The following CREB3L4 variants were observed in gnomAD, a reference collection of about 807,000 sequenced individuals.
CREB3L4 encodes cAMP responsive element binding protein 3 like 4.
Under a neutral mutation model 37.0 loss-of-function variants are expected in CREB3L4, and 28 were observed. The ratio of observed to expected loss-of-function variants is 0.76; its 90% CI spans 0.56 to 1.04. CREB3L4 has a LOEUF of 1.04. CREB3L4 is among the 50% of genes least tolerant of loss of function. The probability of loss-of-function intolerance (pLI) is 0.00; values close to 1 mark genes in which losing one functional copy is unlikely to be tolerated. For synonymous variants in CREB3L4, 175 were observed against 192.2 expected (o/e 0.91, Z 0.74); for missense variants, 462 against 486.0 (o/e 0.95, Z 0.46).
In CREB3L4 at chr1:153,973,268, G is replaced by A. The variant is rs1648577544; in HGVS notation, c.812+5G>A. The A allele has an allele frequency of 5.0e-6, 8 of 1,614,052 alleles. No individual in the cohort carries two copies. The highest frequency in any genetic ancestry group is 6.8e-6 in the Non-Finnish European group (8 of 1,179,958). On this transcript the variant is annotated splice_donor_5th_base_variant and intron_variant, in intron 7 of 9. Coordinates refer to ENST00000368607, the MANE Select transcript of CREB3L4 (RefSeq NM_001255978.2). ...GGAGCTGGAGAGGCACAACATGTGA[G>A]TGAAAGCATTGTGTGTGTATGTGTG...
At position 153,971,312 on chromosome 1, in the gene CREB3L4, A is replaced by C. The variant is rs6671362; in HGVS notation, c.544-1432A>C. On this transcript the variant is annotated intron_variant, in intron 4 of 9. Transcript: ENST00000368607. ...GAACCCGGGAAGCAGAGGTTGCAGT[A>C]AGTGGAGATTGCGCCATTGAACTCC... Among the ~76,000 whole-genome samples the C allele has an allele frequency of 3.3e-5, 5 of 151,272 alleles. No homozygotes were observed. In the South Asian group the frequency reaches 1.0e-3, roughly 32 times the overall value.
chr1:153,972,795 C>G lies in CREB3L4; in HGVS notation c.595C>G (p.Gln199Glu). 1 of 1,613,960 alleles carries G rather than the reference C, an allele frequency of 6.2e-7. No individual in the cohort carries two copies. Among genetic ancestry groups the G allele is most frequent in the Non-Finnish European group, 8.5e-7 (1 of 1,179,976 alleles). ...CGATGAGGAGAAGCGTCTGCTGGGG[C>G]AGGAAGGGGTTTCCCTGCCCTCTCA... is the stretch of plus-strand genomic sequence containing the variant. ...LTDEEKRLLG[Q>E]EGVSLPSHLP... The change falls in exon 5 of 10, where the codon CAG becomes GAG. Residue 199 changes from glutamine to glutamate, a missense_variant. Physicochemically the swap from Gln to Glu is conservative, Grantham distance 29. Transcript: ENST00000368607.
intron 4 of CREB3L4, 44 bp downstream of exon 4, chr1:153,969,499 T>C (rs1648135406): frequency 6.2e-7 from 1 of 1,605,260 alleles, no homozygotes; most frequent in Non-Finnish European, 8.5e-7. Context: ...TTGATACATA[T>C]ATAATCACAC....
Position 153,973,711 on chromosome 1 carries a change from A to T in CREB3L4, c.989A>T (p.His330Leu). Residue 330 changes from histidine (H) to leucine (L), a missense_variant, in exon 9 of 10, where the codon CAC (histidine) becomes CTC (leucine). Transcript: ENST00000368607. ...GCTGGGTCTGAGGATTACCAGCCTCACGGAGGTGAGAGGCAAGGGCAGGGA... is the reference window on the plus strand; with the variant it reads ...GCTGGGTCTGAGGATTACCAGCCTCTCGGAGGTGAGAGGCAAGGGCAGGGA... ...PEAGSEDYQP[H>L]GVTSRNILTH... 5 of 1,599,100 alleles carry T rather than the reference A, an allele frequency of 3.1e-6. No homozygotes were observed. The highest frequency in any genetic ancestry group is 4.3e-6 in the Non-Finnish European group (5 of 1,171,578).
chr1:153,967,506 C>G (rs549281353), upstream of CREB3L4: 2 of 152,332 alleles, frequency 1.3e-5, no homozygotes, highest in South Asian at 4.1e-4. Flanking sequence ...GTCCCGCCGG[C>G]CGGACGCAGT....
rs368055346 is a variant in CREB3L4, at chr1:153,968,900, G to A, written c.175-30G>A. On this transcript the variant is annotated intron_variant, in intron 2 of 9. Transcript: ENST00000368607. ...GGGAGGACTTCCAAAATTCTTCCCT[G>A]CACATATATATAACCTTTTCCTACT... 44 of 1,573,606 alleles carry A rather than the reference G, an allele frequency of 2.8e-5. No homozygotes were observed. In the African/African-American group the frequency reaches 5.3e-4, roughly 19 times the overall value.
rs757972569 is a variant in CREB3L4, at chr1:153,968,475, C to T, written c.-4-47C>T. The T allele has an allele frequency of 2.6e-6, 4 of 1,566,972 alleles. No homozygotes were observed. In the South Asian group the frequency reaches 4.5e-5, roughly 18 times the overall value. ...AGAAACTGTAGGGGGTAGTAAGCAG[C>T]CATCATTCCGTTTCTGCAACCCTCC... On this transcript the variant is annotated intron_variant, in intron 1 of 9. Transcript: ENST00000368607.
At position 153,974,089 on chromosome 1, in the gene CREB3L4, A is replaced by T. The variant is rs766854309; in HGVS notation, c.*24A>T. 6.2e-6 allele frequency: 10 copies of T among 1,602,552 alleles called. No individual in the cohort carries two copies. Among genetic ancestry groups the T allele is most frequent in the Non-Finnish European group, 4.3e-6 (5 of 1,172,826 alleles). ...GAGCTGGAACAGACCTTCCTGGCCC[A>T]CTTCCTGATCACAAGGAATCCTGGG... On this transcript the variant is annotated 3_prime_UTR_variant, in exon 10 of 10. Coordinates refer to ENST00000368607, the MANE Select transcript of CREB3L4 (RefSeq NM_001255978.2).
At chr1:153,969,214 G>A (rs764238210) in intron 3 of CREB3L4, 38 bp downstream of exon 3, 29 of 1,613,796 alleles carry the variant, frequency 1.8e-5, no homozygotes, top group Middle Eastern at 1.6e-4. Context: ...ATGGCCCTTC[G>A]GGACTGGCCC....
chr1:153,971,300 A>C (rs1648344755), intron 4 of CREB3L4, among the ~76,000 whole-genome samples: 2 of 151,658 alleles, frequency 1.3e-5, no homozygotes, highest in Non-Finnish European at 2.9e-5. Context: ...CCCGGGAAGC[A>C]GAGGTTGCAG....
intron 2 of CREB3L4, 97 bp downstream of exon 2, chr1:153,968,796 C>G: frequency 6.5e-7 from 1 of 1,533,512 alleles, no homozygotes; most frequent in Admixed American, 1.8e-5. Context: ...AAACAGACCA[C>G]CCCCAAAATA....
chr1:153,971,587 C>CTTTTTTTTTT (rs55930906), intron 4 of CREB3L4, among the ~76,000 whole-genome samples: 361 of 107,328 alleles, frequency 3.4e-3, no homozygotes, highest in East Asian at 4.9e-3. Flanking sequence ...TTTTCTTTTT[C>CTTTTTTTTTT]TTTTTTTTTT....
At position 153,967,933 on chromosome 1, in the gene CREB3L4, T is replaced by C. The variant is rs1206741526; in HGVS notation, c.-236T>C. The C allele has an allele frequency of 6.6e-6, 1 of 152,214 alleles. No homozygotes were observed. Among genetic ancestry groups the C allele is most frequent in the Non-Finnish European group, 1.5e-5 (1 of 68,070 alleles). The allele number at this position is 152,214 out of a possible 1,614,324, so 9.4% of individuals were successfully genotyped here. A position where few individuals can be genotyped will look rare whatever the true frequency, so the allele number is the denominator to read the frequency against. The stretch of plus-strand genomic sequence containing the variant: ...GTTTACAACCCTGCCATGATCTCCC[T>C]CTTGCAAAAGCGAGGGCTACAGAAC... On this transcript the variant is annotated 5_prime_UTR_variant, in exon 1 of 10. Coordinates refer to ENST00000368607, the MANE Select transcript of CREB3L4 (RefSeq NM_001255978.2).
At position 153,969,191 on chromosome 1, in the gene CREB3L4, T is replaced by C. The variant is rs1338834390; in HGVS notation, c.421+15T>C. Reference sequence around the variant, plus strand: ...CATCCAGCTAGGTCAGTGTTCTTTGTGGGAAGGGGGAAATGGCCCTTCGGG... The same window carrying C: ...CATCCAGCTAGGTCAGTGTTCTTTGCGGGAAGGGGGAAATGGCCCTTCGGG... On this transcript the variant is annotated intron_variant, in intron 3 of 9. Transcript: ENST00000368607. 19 of 1,613,880 alleles carry C rather than the reference T, an allele frequency of 1.2e-5. No homozygotes were observed. The Middle Eastern group carries it at 6.6e-4, about 56-fold the overall frequency.
At chr1:153,970,121 T>G (rs4845586) in intron 4 of CREB3L4, among the ~76,000 whole-genome samples, 84,862 of 151,296 alleles carry the variant, frequency 0.56, 24,688 homozygotes, top group East Asian at 0.94. Context: ...TAGAGACGGG[T>G]TTCCACCATA....
At chr1:153,971,450 T>C (rs1648358612) in intron 4 of CREB3L4, among the ~76,000 whole-genome samples, 3 of 152,052 alleles carry the variant, frequency 2.0e-5, no homozygotes, top group Admixed American at 2.0e-4. Flanking sequence ...TATTTCTTTA[T>C]TGTAGAGACA....
Position 153,972,808 on chromosome 1 carries a change from C to A in CREB3L4, c.608C>A (p.Ser203Tyr). 2 of 1,613,994 alleles carry A rather than the reference C, an allele frequency of 1.2e-6. No individual in the cohort carries two copies. The highest frequency in any genetic ancestry group is 2.2e-5 in the East Asian group (1 of 44,872). ...EKRLLGQEGV[S>Y]LPSHLPLTKA... ...CGTCTGCTGGGGCAGGAAGGGGTTT[C>A]CCTGCCCTCTCACCTGCCCCTCACC... The change falls in exon 5 of 10, where the codon TCC becomes TAC. Residue 203 changes from serine to tyrosine, a missense_variant. Physicochemically the swap from Ser to Tyr is moderately radical, Grantham distance 144. Coordinates refer to ENST00000368607, the MANE Select transcript of CREB3L4 (RefSeq NM_001255978.2).
In CREB3L4 at chr1:153,974,233, C is replaced by T. The variant is rs1179238786; in HGVS notation, c.*168C>T. The T allele has an allele frequency of 3.4e-6, 2 of 585,184 alleles. No individual in the cohort carries two copies. The highest frequency in any genetic ancestry group is 3.7e-5 in the African/African-American group (2 of 53,892). The allele number at this position is 585,184 out of a possible 1,614,324, so 36.2% of individuals were successfully genotyped here. On this transcript the variant is annotated 3_prime_UTR_variant, in exon 10 of 10. Transcript: ENST00000368607. ...TAGTCTCTGCCTGAGGCCTAGTCTG[C>T]ATTTGTTTGCATATATGAGAGGGTA...
At chr1:153,968,795 AC>A in intron 2 of CREB3L4, 96 bp downstream of exon 2, 2 of 1,543,326 alleles carry the variant, frequency 1.3e-6, no homozygotes, top group Non-Finnish European at 1.8e-6. Flanking sequence ...AAAACAGACC[AC>A]CCCCAAAATA....
Sources: allele counts gnomAD v4.1 joint callset (sites outside exome capture counted in the v4.1 genomes callset), GRCh38; gene constraint gnomAD v4.1.1; transcripts MANE v1.5; gene names NCBI Gene and HGNC (gene_info 2026-07-23, HGNC 2026-07-21).